Variants in RABGAP1L observed in about 807,000 individuals in gnomAD.
RABGAP1L encodes RAB GTPase activating protein 1 like.
In RABGAP1L, 63 loss-of-function variants were observed where a neutral mutation model predicts 137.7. The ratio of observed to expected loss-of-function variants is 0.46; its 90% confidence interval spans 0.37 to 0.56. The LOEUF (loss-of-function observed/expected upper bound fraction) is 0.56, where lower values mean the gene tolerates loss of function less well. Ranked by LOEUF, RABGAP1L falls within the 20% of genes least tolerant of loss-of-function variation. The pLI, the probability that RABGAP1L is intolerant of heterozygous loss-of-function variation, is 0.00. For synonymous variants in RABGAP1L, 431 were observed against 433.7 expected (o/e 0.99, Z 0.08); for missense variants, 1,095 against 1,244.0 (o/e 0.88, Z 1.80).
chr1:174,543,364 CTT>C (rs1380880309), intron 13 of RABGAP1L, among the ~76,000 whole-genome samples: 1 of 152,020 alleles, frequency 6.6e-6, no homozygotes, highest in South Asian at 2.1e-4. Flanking sequence ...TTCTTTGTCT[CTT>C]TTGATCTTTG....
intron 14 of RABGAP1L, among the ~76,000 whole-genome samples, chr1:174,646,508 A>G (rs1284187784): frequency 6.6e-6 from 1 of 152,178 alleles, no homozygotes; most frequent in Non-Finnish European, 1.5e-5. Context: ...TTTGTCAAAT[A>G]TCAGATGTTT....
chr1:174,969,693 G>A (rs1669968243), intron 21 of RABGAP1L, among the ~76,000 whole-genome samples: 1 of 152,188 alleles, frequency 6.6e-6, no homozygotes, highest in Non-Finnish European at 1.5e-5. Flanking sequence ...CCAAGAATAT[G>A]CCTGTACTAA....
chr1:174,619,554 A>G (rs1440601135), intron 13 of RABGAP1L, among the ~76,000 whole-genome samples: 3 of 152,220 alleles, frequency 2.0e-5, no homozygotes, highest in Non-Finnish European at 4.4e-5. Context: ...TCATAAGTGA[A>G]GGAGAAATAA....
chr1:174,791,915 A>G (rs906328273), intron 18 of RABGAP1L, among the ~76,000 whole-genome samples: 1 of 152,154 alleles, frequency 6.6e-6, no homozygotes, highest in Non-Finnish European at 1.5e-5. Flanking sequence ...CCCCTTCTCA[A>G]CTCAACCTAA....
intron 17 of RABGAP1L, among the ~76,000 whole-genome samples, chr1:174,732,530 T>G (rs1273601087): frequency 6.9e-6 from 1 of 145,856 alleles, no homozygotes; most frequent in Non-Finnish European, 1.6e-5. Flanking sequence ...TTAGTACGCA[T>G]GAGAACACAT....
At chr1:174,330,164 AC>A (rs1680904994) in intron 11 of RABGAP1L, among the ~76,000 whole-genome samples, 1 of 152,194 alleles carries the variant, frequency 6.6e-6, no homozygotes, top group South Asian at 2.1e-4. Context: ...TAAAGACTCC[AC>A]CAAAAACTCT....
intron 20 of RABGAP1L, among the ~76,000 whole-genome samples, chr1:174,967,679 G>A (rs1669758518): frequency 6.6e-6 from 1 of 151,808 alleles, no homozygotes; most frequent in Non-Finnish European, 1.5e-5. Context: ...TAGAGATGGG[G>A]TATTGCCATG....
At chr1:174,185,199 TA>T (rs1666708228) in intron 1 of RABGAP1L, among the ~76,000 whole-genome samples, 1 of 152,228 alleles carries the variant, frequency 6.6e-6, no homozygotes, top group Admixed American at 6.5e-5. Flanking sequence ...GGGGACACCT[TA>T]AGATGCCTTA....
intron 13 of RABGAP1L, among the ~76,000 whole-genome samples, chr1:174,627,693 G>A: frequency 6.6e-6 from 1 of 152,172 alleles, no homozygotes; most frequent in East Asian, 1.9e-4. Context: ...GGAAATTAAA[G>A]AGAACCCTTG....
intron 11 of RABGAP1L, among the ~76,000 whole-genome samples, chr1:174,344,259 A>G (rs1030172276): frequency 1.3e-5 from 2 of 152,194 alleles, no homozygotes; most frequent in African/African-American, 4.8e-5. Flanking sequence ...TGATAATAAC[A>G]ACAATAGGAG....
At chr1:174,740,766 G>A (rs1003201233) in intron 17 of RABGAP1L, among the ~76,000 whole-genome samples, 1 of 151,964 alleles carries the variant, frequency 6.6e-6, no homozygotes, top group Non-Finnish European at 1.5e-5. Context: ...TAGGGATTCT[G>A]GCTGAGGTAT....
intron 12 of RABGAP1L, among the ~76,000 whole-genome samples, chr1:174,383,654 A>T (rs893635924): frequency 2.6e-5 from 4 of 152,096 alleles, no homozygotes; most frequent in Admixed American, 1.3e-4. Context: ...CGGCTCGCGC[A>T]CGGTGCGCGC....
At chr1:174,972,895 A>T (rs868043601) in intron 21 of RABGAP1L, among the ~76,000 whole-genome samples, 1 of 148,930 alleles carries the variant, frequency 6.7e-6, no homozygotes, top group African/African-American at 2.5e-5. Context: ...TGAAGGCTTT[A>T]TAATTTGGGC....
intron 25 of RABGAP1L, among the ~76,000 whole-genome samples, chr1:174,989,336 T>TG (rs1221208569): frequency 2.6e-5 from 4 of 152,250 alleles, no homozygotes; most frequent in Non-Finnish European, 5.9e-5. Context: ...TGGCTTCTGA[T>TG]GGACTCTTCT....
At chr1:174,855,055 G>A (rs967654430) in intron 19 of RABGAP1L, among the ~76,000 whole-genome samples, 1 of 151,610 alleles carries the variant, frequency 6.6e-6, no homozygotes, top group African/African-American at 2.4e-5. Flanking sequence ...GCCTTTTTTA[G>A]TGCTCCCTCT....
chr1:174,587,740 T>C (rs1422059346), intron 13 of RABGAP1L, among the ~76,000 whole-genome samples: 1 of 152,168 alleles, frequency 6.6e-6, no homozygotes, highest in Non-Finnish European at 1.5e-5. Flanking sequence ...ATGGGGTACT[T>C]GAGATATTTT....
intron 17 of RABGAP1L, among the ~76,000 whole-genome samples, chr1:174,719,208 G>C (rs1681280014): frequency 6.6e-6 from 1 of 152,002 alleles, no homozygotes. Flanking sequence ...AATTGTGCCA[G>C]AATTAAGATT....
chr1:174,622,104 T>C (rs1203100443), intron 13 of RABGAP1L, among the ~76,000 whole-genome samples: 5 of 152,196 alleles, frequency 3.3e-5, no homozygotes, highest in African/African-American at 1.2e-4. Flanking sequence ...CATGAAAAAA[T>C]GCTCATCATC....
chr1:174,597,132 G>C (rs1202972439), intron 13 of RABGAP1L, among the ~76,000 whole-genome samples: 2 of 151,990 alleles, frequency 1.3e-5, no homozygotes, highest in African/African-American at 4.8e-5. Flanking sequence ...ATTTTGTTGA[G>C]GATTTTTTGT....
Sources: allele counts gnomAD v4.1 joint callset (sites outside exome capture counted in the v4.1 genomes callset), GRCh38; gene constraint gnomAD v4.1.1; transcripts MANE v1.5; gene names NCBI Gene and HGNC (gene_info 2026-07-23, HGNC 2026-07-21).